The following EDARADD variants were observed in gnomAD, a reference collection of about 807,000 sequenced individuals.
The protein encoded by EDARADD is EDAR associated via death domain.
In EDARADD, 20 loss-of-function variants were observed where a neutral mutation model predicts 25.6. The observed-to-expected ratio is 0.78, with a 90% confidence interval of 0.55 to 1.14. The LOEUF is 1.14. Ranked by LOEUF, EDARADD falls within the 50% of genes most tolerant of loss-of-function variation. The probability of loss-of-function intolerance (pLI) is 0.00; values close to 1 mark genes in which losing one functional copy is unlikely to be tolerated. For missense variants in EDARADD, 225 were observed against 270.1 expected (o/e 0.83, Z 1.17); for synonymous variants, 86 against 94.4 (o/e 0.91, Z 0.52).
intron 3 of EDARADD, among the ~76,000 whole-genome samples, chr1:236,417,351 A>G (rs1219917219): frequency 6.6e-6 from 1 of 152,226 alleles, no homozygotes; most frequent in Non-Finnish European, 1.5e-5. Flanking sequence ...TACTGCTAAC[A>G]TATTCCTACT....
intron 4 of EDARADD, among the ~76,000 whole-genome samples, chr1:236,456,098 T>A (rs1658857209): frequency 6.6e-6 from 1 of 152,098 alleles, no homozygotes; most frequent in Admixed American, 6.5e-5. Flanking sequence ...TGCCTGTTCC[T>A]TTTTTAAGAG....
chr1:236,413,708 A>C (rs1657560866), intron 2 of EDARADD, among the ~76,000 whole-genome samples: 1 of 152,240 alleles, frequency 6.6e-6, no homozygotes, highest in Non-Finnish European at 1.5e-5. Context: ...GAATTCCTGT[A>C]ACAGTATTAC....
chr1:236,360,258 T>G (rs589534), intron 3 of EDARADD, among the ~76,000 whole-genome samples: 52,812 of 151,852 alleles, frequency 0.35, 9,481 homozygotes, highest in African/African-American at 0.44. Context: ...AGGTCAAGGC[T>G]TTAGTTAGCC....
At chr1:236,445,870 C>G (rs951567251) in intron 4 of EDARADD, among the ~76,000 whole-genome samples, 7 of 152,148 alleles carry the variant, frequency 4.6e-5, no homozygotes, top group South Asian at 2.1e-4. Context: ...CAGGCTCCCC[C>G]CTTGCCTGCC....
At position 236,484,062 on chromosome 1, in the gene EDARADD, G is replaced by A. The variant is rs939308410; in HGVS notation, c.*1413G>A. The A allele has an allele frequency of 6.3e-7, 1 of 1,577,178 alleles. No homozygotes were observed. Among genetic ancestry groups the A allele is most frequent in the African/African-American group, 1.3e-5 (1 of 74,186 alleles). ...TACTGAAGATCCCTTTGACCAGGATGACTGGGGAGCTTGGCAGAAGTTCAC... is the reference window on the plus strand; with the variant it reads ...TACTGAAGATCCCTTTGACCAGGATAACTGGGGAGCTTGGCAGAAGTTCAC... On this transcript the variant is annotated 3_prime_UTR_variant, in exon 6 of 6. Transcript: ENST00000334232. The surrounding 1 kb of genome is among the most constrained non-coding windows in gnomAD (Gnocchi z 4.1).
intron 3 of EDARADD, among the ~76,000 whole-genome samples, chr1:236,353,698 A>AAAAAG (rs71963407): frequency 6.9e-6 from 1 of 144,920 alleles, no homozygotes; most frequent in Admixed American, 7.2e-5. Flanking sequence ...AAAAAAAAAA[A>AAAAAG]GATATTGGAC....
At position 236,415,721 on chromosome 1, in the gene EDARADD, A is replaced by C. The variant is rs371632730; in HGVS notation, c.160+1422A>C. ...TGGCCTCCCAAAGAGCTGGGATTACAGGCATGAGCCACCCACTGCACCTGG... is the reference window on the plus strand; with the variant it reads ...TGGCCTCCCAAAGAGCTGGGATTACCGGCATGAGCCACCCACTGCACCTGG... On this transcript the variant is annotated intron_variant, in intron 3 of 5. Coordinates refer to ENST00000334232, the MANE Select transcript of EDARADD (RefSeq NM_145861.4). Among the ~76,000 whole-genome samples, 20 of 152,304 alleles carry C rather than the reference A, an allele frequency of 1.3e-4. 2 individuals are homozygous for C. The highest frequency in any genetic ancestry group is 8.5e-4 in the Admixed American group (13 of 15,302).
At position 236,440,066 on chromosome 1, in the gene EDARADD, TCTAGA is replaced by T. The variant is rs560120715; in HGVS notation, c.219+12620_219+12624del. Among the ~76,000 whole-genome samples the T allele has an allele frequency of 7.2e-4, 110 of 152,322 alleles. 1 individual carries two copies. The highest frequency in any genetic ancestry group is 1.3e-3 in the Non-Finnish European group (89 of 68,022). On this transcript the variant is annotated intron_variant, in intron 4 of 5. Coordinates refer to ENST00000334232, the MANE Select transcript of EDARADD (RefSeq NM_145861.4). The stretch of plus-strand genomic sequence containing the variant: ...ATTTTGTGAGAGCTTAAGGTGTGTG[TCTAGA>T]CTAATTTTTTTTTGTTATTCCAGTA...
intron 4 of EDARADD, among the ~76,000 whole-genome samples, chr1:236,466,266 C>T (rs938883710): frequency 1.2e-4 from 18 of 152,246 alleles, no homozygotes; most frequent in African/African-American, 3.6e-4. Context: ...ACATGACCTG[C>T]GGAGTAATGA....
intron 3 of EDARADD, among the ~76,000 whole-genome samples, chr1:236,367,382 A>G (rs1348177498): frequency 1.3e-5 from 2 of 151,930 alleles, no homozygotes; most frequent in Non-Finnish European, 2.9e-5. Context: ...GGCGCCTGCC[A>G]CCACGCCCAG....
intron 4 of EDARADD, among the ~76,000 whole-genome samples, chr1:236,429,007 G>A (rs1011131194): frequency 2.6e-5 from 4 of 152,100 alleles, no homozygotes; most frequent in South Asian, 2.1e-4. Flanking sequence ...GTTGCGACGC[G>A]CGCCTGCAAT....
intron 4 of EDARADD, among the ~76,000 whole-genome samples, chr1:236,436,281 C>T (rs758487263): frequency 2.6e-5 from 4 of 151,972 alleles, no homozygotes; most frequent in East Asian, 3.9e-4. Flanking sequence ...CCTCAGCCCC[C>T]GAGTAGCTCG....
At chr1:236,430,988 C>T (rs1183395837) in intron 4 of EDARADD, among the ~76,000 whole-genome samples, 7 of 152,064 alleles carry the variant, frequency 4.6e-5, no homozygotes, top group African/African-American at 1.4e-4. Flanking sequence ...CAGTGGCAGG[C>T]GCCTGTAATC....
intron 3 of EDARADD, among the ~76,000 whole-genome samples, chr1:236,367,109 G>A (rs372384539): frequency 1.2e-3 from 163 of 140,258 alleles, no homozygotes; most frequent in African/African-American, 4.3e-3. Context: ...AAAAAGTAGA[G>A]TGTCTTGAAA....
rs545099769 is a variant in EDARADD, at chr1:236,436,197, G to A, written c.219+8747G>A. Among the ~76,000 whole-genome samples, 33 of 150,662 alleles carry A rather than the reference G, an allele frequency of 2.2e-4. No individual in the cohort carries two copies. The South Asian group carries it at 4.0e-3, about 18-fold the overall frequency. ...TTTTTAGATGGAGTCTCACTCTGTC[G>A]CCCAGGCTGGAGTGCAGTGGTGTGA... On this transcript the variant is annotated intron_variant, in intron 4 of 5. Coordinates refer to ENST00000334232, the MANE Select transcript of EDARADD (RefSeq NM_145861.4).
At chr1:236,426,905 G>C (rs1571927626) in intron 3 of EDARADD, among the ~76,000 whole-genome samples, 2 of 152,058 alleles carry the variant, frequency 1.3e-5, no homozygotes, top group South Asian at 4.1e-4. Context: ...TTTTGAGACG[G>C]AGTTTTGCTC....
chr1:236,433,670 A>G (rs1658167210), intron 4 of EDARADD, among the ~76,000 whole-genome samples: 1 of 151,840 alleles, frequency 6.6e-6, no homozygotes, highest in South Asian at 2.1e-4. Context: ...TGCTCACTTT[A>G]CACATCAAGA....
At chr1:236,425,154 T>G (rs1003559506) in intron 3 of EDARADD, among the ~76,000 whole-genome samples, 12 of 152,230 alleles carry the variant, frequency 7.9e-5, no homozygotes, top group African/African-American at 2.9e-4. Flanking sequence ...AAACCCACTA[T>G]GGCAAGATGA....
intron 3 of EDARADD, among the ~76,000 whole-genome samples, chr1:236,377,751 G>C (rs533258755): frequency 5.9e-5 from 9 of 151,616 alleles, no homozygotes; most frequent in African/African-American, 2.2e-4. Context: ...CCAGCTACTC[G>C]GGAGGCTGAG....
Sources: gnomAD v4.1 joint callset for allele counts (sites outside exome capture counted in the v4.1 genomes callset) on GRCh38, gnomAD v4.1.1 for gene constraint, Gnocchi (gnomAD v3.1) non-coding constraint, MANE v1.5 for transcripts, NCBI Gene and HGNC (gene_info 2026-07-23, HGNC 2026-07-21) for gene names.